PLIN2: variants seen among roughly 807,000 people sequenced by gnomAD.
The protein encoded by PLIN2 is perilipin-2.
PLIN2 carries 33 observed loss-of-function variants against 30.6 expected under a neutral mutation model. The ratio of observed to expected loss-of-function variants is 1.08; its 90% confidence interval spans 0.82 to 1.44. The LOEUF (loss-of-function observed/expected upper bound fraction) is 1.44, where lower values mean the gene tolerates loss of function less well. PLIN2 is among the 40% of genes most tolerant of loss of function. PLIN2 has a pLI of 0.00. For synonymous variants in PLIN2, 205 were observed against 201.1 expected (o/e 1.02, Z -0.16); for missense variants, 610 against 531.8 (o/e 1.15, Z -1.45).
rs1818394481 is a variant in PLIN2 at position 19,126,182 on chromosome 9, C to A, written c.158G>T (p.Gly53Val). Reference sequence around the variant, plus strand: ...GGCCACGGAGGTGATGGTCTTCACACCGTTCTCTGCCATCTCACACACAGA... The same window carrying A: ...GGCCACGGAGGTGATGGTCTTCACAACGTTCTCTGCCATCTCACACACAGA... ...LKSVCEMAEN[G>V]VKTITSVAMT... The change falls in exon 3 of 8, where the codon GGT becomes GTT. Residue 53 changes from glycine to valine, a missense_variant. Coordinates refer to ENST00000276914, the MANE Select transcript of PLIN2 (RefSeq NM_001122.4). 6.2e-7 allele frequency: 1 copy of A among 1,614,148 alleles called. No homozygotes were observed. Among genetic ancestry groups the A allele is most frequent in the Non-Finnish European group, 8.5e-7 (1 of 1,180,026 alleles).
In PLIN2 at chr9:19,116,425, C is replaced by T. The variant is rs754947821; in HGVS notation, c.1137G>A (p.Gln379=). 1 of 1,614,212 alleles carries T rather than the reference C, an allele frequency of 6.2e-7. No homozygotes were observed. Among genetic ancestry groups the T allele is most frequent in the Non-Finnish European group, 8.5e-7 (1 of 1,180,046 alleles). Residue 379 remains glutamine, a synonymous_variant, in exon 8 of 8, where the codon CAG becomes CAA. Transcript: ENST00000276914. The part of the protein sequence containing the change: ...SLLTSSKGQL[Q]KMKESLDDVM... ...CGTCATCTAAAGATTCCTTCATTTT[C>T]TGCAGCTGCCCCTTGCTAGAAGTGA... is the stretch of plus-strand genomic sequence containing the variant.
At chr9:19,111,742 T>G (rs1227608993), downstream of PLIN2, among the ~76,000 whole-genome samples, 3 of 152,300 alleles carry the variant, frequency 2.0e-5, no homozygotes, top group African/African-American at 7.2e-5. Context: ...TAAGCTGACC[T>G]GTAGCCCTAT....
Position 19,121,087 on chromosome 9 carries a change from C to G in PLIN2, c.388G>C (p.Val130Leu). 1.9e-6 allele frequency: 3 copies of G among 1,614,148 alleles called. No individual in the cohort carries two copies. The highest frequency in any genetic ancestry group is 2.5e-6 in the Non-Finnish European group (3 of 1,179,966). ...TTTVTGAKDSVASTITGVMDK... is the reference protein window; with the variant it reads ...TTTVTGAKDSLASTITGVMDK... Reference sequence around the variant, plus strand: ...ATCACCCCTGTGATCGTGCTGGCCACAGAATCCTTGGCCCCAGTCACAGTA... The same window carrying G: ...ATCACCCCTGTGATCGTGCTGGCCAGAGAATCCTTGGCCCCAGTCACAGTA... Residue 130 changes from valine to leucine, a missense_variant, in exon 5 of 8, where the codon GTG (valine) becomes CTG (leucine). Coordinates refer to ENST00000276914, the MANE Select transcript of PLIN2 (RefSeq NM_001122.4).
At chr9:19,116,690 C>T (rs1818233810) in intron 7 of PLIN2, 41 bp from the exon 8 acceptor site, 33 of 1,567,844 alleles carry the variant, frequency 2.1e-5, no homozygotes, top group Non-Finnish European at 2.8e-5. Flanking sequence ...TCCAACAGTG[C>T]TATGTATAAA....
rs759918528 is a variant in PLIN2 at position 19,116,270 on chromosome 9, C to G, written c.1292G>C (p.Arg431Pro). The change falls in exon 8 of 8, where the codon CGA (arginine) becomes CCA (proline). Residue 431 changes from arginine to proline, a missense_variant. By Grantham distance (103) the Arg-to-Pro change is moderately radical. Coordinates refer to ENST00000276914, the MANE Select transcript of PLIN2 (RefSeq NM_001122.4). ...EMDKSSQETQ[R>P]SEHKTH The stretch of plus-strand genomic sequence containing the variant: ...GGTTTAATGAGTTTTATGCTCAGAT[C>G]GCTGGGTCTCCTGGCTGCTCTTGTC... 6.2e-7 allele frequency: 1 copy of G among 1,600,570 alleles called. No homozygotes were observed. The highest frequency in any genetic ancestry group is 1.1e-5 in the South Asian group (1 of 89,618).
chr9:19,118,553 A>C, intron 6 of PLIN2, 98 bp from the exon 7 acceptor site: 1 of 1,089,716 alleles, frequency 9.2e-7, no homozygotes, highest in Non-Finnish European at 1.3e-6. Flanking sequence ...ATAAAAACTA[A>C]GAATTTCCTG....
downstream of PLIN2, among the ~76,000 whole-genome samples, chr9:19,111,274 C>G (rs1176936373): frequency 6.6e-6 from 1 of 152,140 alleles, no homozygotes; most frequent in Non-Finnish European, 1.5e-5. Flanking sequence ...CCGTTGAACT[C>G]CTGGCCTCAA....
chr9:19,114,695 C>T (rs542948404), downstream of PLIN2, among the ~76,000 whole-genome samples: 8 of 152,252 alleles, frequency 5.3e-5, no homozygotes, highest in African/African-American at 1.9e-4. Flanking sequence ...TGAGCCACAG[C>T]GCCTGGCCTA....
chr9:19,111,801 G>T (rs1396110976), downstream of PLIN2, among the ~76,000 whole-genome samples: 2 of 151,598 alleles, frequency 1.3e-5, no homozygotes, highest in Non-Finnish European at 2.9e-5. Flanking sequence ...TTCATTAGTT[G>T]TTTTTTTTCC....
At position 19,116,106 on chromosome 9, in the gene PLIN2, A is replaced by C. The variant is rs1818217012; in HGVS notation, c.*142T>G. 1.4e-6 allele frequency: 1 copy of C among 700,680 alleles called. No individual in the cohort carries two copies. The allele number at this position is 700,680 out of a possible 1,614,324, so 43.4% of individuals were successfully genotyped here. On this transcript the variant is annotated 3_prime_UTR_variant, in exon 8 of 8. Transcript: ENST00000276914. ...TAATGCCAGAAACTTTAAAGCTCTT[A>C]ATTCAGCTGGAAACAACTACAATTG...
intron 5 of PLIN2, among the ~76,000 whole-genome samples, chr9:19,120,373 C>T (rs748634385): frequency 3.9e-5 from 6 of 152,264 alleles, no homozygotes; most frequent in African/African-American, 1.4e-4. Context: ...ACTTGAGCGG[C>T]ATGGTACCTG....
chr9:19,120,167 T>C (rs780153736), intron 5 of PLIN2, among the ~76,000 whole-genome samples: 7 of 152,032 alleles, frequency 4.6e-5, no homozygotes, highest in Non-Finnish European at 1.0e-4. Flanking sequence ...CAACTGATCC[T>C]CTCACCTCAG....
Position 19,115,887 on chromosome 9 carries a change from G to C in PLIN2, c.*361C>G, listed in dbSNP as rs563558986. On this transcript the variant is annotated 3_prime_UTR_variant, in exon 8 of 8. Transcript: ENST00000276914. ...ATAAAGCAGTGAAGACGCCTTTTCA[G>C]ATCACACCAGAGCAGACACCAGTTT... 48 of 173,394 alleles carry C rather than the reference G, an allele frequency of 2.8e-4. No individual in the cohort carries two copies. Among genetic ancestry groups the C allele is most frequent in the African/African-American group, 1.1e-3 (45 of 42,240 alleles). The allele number at this position is 173,394 out of a possible 1,614,324, so 10.7% of individuals were successfully genotyped here. A position where few individuals can be genotyped will look rare whatever the true frequency, so the allele number is the denominator to read the frequency against.
Position 19,116,502 on chromosome 9 carries a change from A to G in PLIN2, c.1060T>C (p.Tyr354His). 1 of 1,614,176 alleles carries G rather than the reference A, an allele frequency of 6.2e-7. No individual in the cohort carries two copies. The highest frequency in any genetic ancestry group is 8.5e-7 in the Non-Finnish European group (1 of 1,180,022). The change falls in exon 8 of 8, where the codon TAC (tyrosine) becomes CAC (histidine). Residue 354 changes from tyrosine to histidine, a missense_variant. Transcript: ENST00000276914. ...KHMGVMAGDI[Y>H]SVFRNAASFK... is the part of the protein sequence containing the mutation. The stretch of plus-strand genomic sequence containing the variant: ...GAGGCAGCATTGCGGAACACTGAGT[A>G]GATGTCGCCTGCCATCACCCCCATG...
In PLIN2 at chr9:19,116,234, T is replaced by TGATA. The variant is rs767175234; in HGVS notation, c.*10_*13dup. The TGATA allele has an allele frequency of 5.8e-6, 9 of 1,553,478 alleles. No individual in the cohort carries two copies. The African/African-American group carries it at 9.6e-5, about 17-fold the overall frequency. On this transcript the variant is annotated 3_prime_UTR_variant, in exon 8 of 8. Transcript: ENST00000276914. The stretch of plus-strand genomic sequence containing the variant: ...TCTGTCTGGCCACAGCATGCACTAG[T>TGATA]GATAGGGGCAGGTTTAATGAGTTTT...
intron 5 of PLIN2, 132 bp from the exon 6 acceptor site, chr9:19,119,963 A>G: frequency 3.3e-6 from 2 of 601,914 alleles, no homozygotes; most frequent in Non-Finnish European, 5.8e-6. Flanking sequence ...CATTTTTCCA[A>G]GACTGCTCAC....
At chr9:19,124,628 T>C (rs765783365) in intron 3 of PLIN2, among the ~76,000 whole-genome samples, 1 of 152,158 alleles carries the variant, frequency 6.6e-6, no homozygotes, top group Non-Finnish European at 1.5e-5. Flanking sequence ...CCATACAGTG[T>C]TGGTGGGAAT....
chr9:19,114,492 C>A (rs1378384157), downstream of PLIN2, among the ~76,000 whole-genome samples: 1 of 152,062 alleles, frequency 6.6e-6, no homozygotes, highest in African/African-American at 2.4e-5. Flanking sequence ...GCAGCCTCCA[C>A]CTCCCAGACG....
At chr9:19,119,866 G>A (rs750192259) in intron 5 of PLIN2, 35 bp from the exon 6 acceptor site, 2 of 1,417,186 alleles carry the variant, frequency 1.4e-6, no homozygotes, top group South Asian at 2.6e-5. Context: ...AAAACTTAAG[G>A]GATCACAGTG....
Sources: allele counts gnomAD v4.1 joint callset (sites outside exome capture counted in the v4.1 genomes callset), GRCh38; gene constraint gnomAD v4.1.1; transcripts MANE v1.5; gene names NCBI Gene and HGNC (gene_info 2026-07-23, HGNC 2026-07-21).